The following ZNF483 variants were observed in gnomAD, a reference collection of about 807,000 sequenced individuals.
ZNF483 encodes zinc finger protein 483.
A neutral mutation model predicts 28.6 loss-of-function variants in ZNF483; 9 were observed. The ratio of observed to expected loss-of-function variants is 0.32; its 90% confidence interval spans 0.19 to 0.55. The LOEUF is 0.55. Among genes scored for constraint, ZNF483 ranks in the 20% least tolerant of loss-of-function variants. The probability of loss-of-function intolerance (pLI) is 0.93; values close to 1 mark genes in which losing one functional copy is unlikely to be tolerated. For synonymous variants in ZNF483, 322 were observed against 306.2 expected, an observed-to-expected ratio of 1.05 and a Z score of -0.54; for missense variants, 675 against 871.7, an observed-to-expected ratio of 0.77 and a Z score of 2.84.
At chr9:111,526,450 G>T (rs989807880) in intron 1 of ZNF483, among the ~76,000 whole-genome samples, 2 of 152,084 alleles carry the variant, frequency 1.3e-5, no homozygotes, top group Non-Finnish European at 2.9e-5. Flanking sequence ...TATTTTGCAT[G>T]TTAGAAGGAA....
chr9:111,551,976 GAGTT>G lies in ZNF483; in HGVS notation c.*8808_*8811del, dbSNP rs1827976265. On this transcript the variant is annotated 3_prime_UTR_variant, in exon 6 of 6. Coordinates refer to ENST00000309235, the MANE Select transcript of ZNF483 (RefSeq NM_133464.5). ...GCATATTGTCTCATTTGAAAAATGT[GAGTT>G]ATTCTGTTTTATTTGTATTATGAAA... 6.6e-6 allele frequency among the ~76,000 whole-genome samples: 1 copy of G among 151,658 alleles called. No homozygotes were observed. The highest frequency in any genetic ancestry group is 2.4e-5 in the African/African-American group (1 of 41,352).
chr9:111,567,454 GGAT>G (rs1184873804), intron 5 of ZNF483, among the ~76,000 whole-genome samples: 1 of 152,076 alleles, frequency 6.6e-6, no homozygotes, highest in African/African-American at 2.4e-5. Context: ...CAAAGTGCTG[GGAT>G]TACAAGTGTG....
rs1827779281 is a variant in ZNF483 at position 111,545,200 on chromosome 9, A to G, written c.*2030A>G. Among the ~76,000 whole-genome samples the G allele has an allele frequency of 6.6e-6, 1 of 152,224 alleles. No individual in the cohort carries two copies. Among genetic ancestry groups the G allele is most frequent in the Admixed American group, 6.5e-5 (1 of 15,286 alleles). On this transcript the variant is annotated 3_prime_UTR_variant, in exon 6 of 6. Transcript: ENST00000309235. ...GAAAGGAATGTTTATTATGAGAATC[A>G]TTCATAATGGTTTTAAGTTTTTTTC...
intron 5 of ZNF483, among the ~76,000 whole-genome samples, chr9:111,572,976 C>T (rs971883117): frequency 1.3e-5 from 2 of 152,138 alleles, no homozygotes; most frequent in Admixed American, 6.5e-5. Flanking sequence ...TGGAGGAAAT[C>T]ATTGCTTGCC....
chr9:111,576,323 C>T (rs751003056), intron 5 of ZNF483: 1 of 1,609,718 alleles, frequency 6.2e-7, no homozygotes, highest in South Asian at 1.1e-5. Flanking sequence ...TTATTTGTAA[C>T]CTCAAACCAG....
intron 5 of ZNF483, among the ~76,000 whole-genome samples, chr9:111,561,088 TATATATATATATATATATATATAGAGAG>T (rs1828285715): frequency 5.6e-5 from 1 of 17,954 alleles, no homozygotes; most frequent in Non-Finnish European, 9.9e-5. Flanking sequence ...ATCTAAAATA[TATATATATATATATATATATATAGAGAG>T]AGAGAGAGAG....
intron 5 of ZNF483, among the ~76,000 whole-genome samples, chr9:111,561,856 G>C (rs1828333391): frequency 6.6e-6 from 1 of 152,060 alleles, no homozygotes; most frequent in Non-Finnish European, 1.5e-5. Flanking sequence ...ATATATGCCA[G>C]GCATTATGCT....
chr9:111,526,006 G>T (rs1262044674), intron 1 of ZNF483, among the ~76,000 whole-genome samples: 2 of 152,050 alleles, frequency 1.3e-5, no homozygotes, highest in Non-Finnish European at 2.9e-5. Context: ...GCCTGTCCAC[G>T]CCTGGCCCCG....
In ZNF483 at chr9:111,542,378, G is replaced by A. The variant is rs771040350; in HGVS notation, c.1443G>A (p.Ser481=). Residue 481 remains serine (S), a synonymous_variant, in exon 6 of 6, where the codon TCG becomes TCA. Coordinates refer to ENST00000309235, the MANE Select transcript of ZNF483 (RefSeq NM_133464.5). This position sits in a 1 kb window ranked among gnomAD's most constrained non-coding sequence, Gnocchi z 6.2. ...GAAAAGCTTTTAGTGATAGTTCATC[G>A]CTCACACCACATCATAGAACTCATA... ...ECGKAFSDSS[S]LTPHHRTHSG... The A allele has an allele frequency of 9.3e-6, 15 of 1,613,394 alleles. No individual in the cohort carries two copies. Among genetic ancestry groups the A allele is most frequent in the South Asian group, 3.3e-5 (3 of 91,054 alleles).
chr9:111,545,467 A>G lies in ZNF483; in HGVS notation c.*2297A>G, dbSNP rs1291402320. Among the ~76,000 whole-genome samples the G allele has an allele frequency of 2.6e-5, 4 of 152,104 alleles. No homozygotes were observed. The highest frequency in any genetic ancestry group is 9.7e-5 in the African/African-American group (4 of 41,420). ...ATCATTAAAACCATTTCAAGTGTAC[A>G]ATTCAGTGAGTTTTAGTAAATATGC... On this transcript the variant is annotated 3_prime_UTR_variant, in exon 6 of 6. Transcript: ENST00000309235.
At chr9:111,530,554 T>G (rs1827299675) in intron 2 of ZNF483, among the ~76,000 whole-genome samples, 1 of 151,080 alleles carries the variant, frequency 6.6e-6, no homozygotes, top group Non-Finnish European at 1.5e-5. Flanking sequence ...CCTTAACCTT[T>G]GGGAACTGAT....
At chr9:111,558,161 T>C (rs147864898), downstream of ZNF483, among the ~76,000 whole-genome samples, 647 of 152,256 alleles carry the variant, frequency 4.2e-3, 11 homozygotes, top group African/African-American at 0.014. Flanking sequence ...AAAAAAACTA[T>C]GGAAGTACTC....
In ZNF483 at chr9:111,554,985, G is replaced by T. The variant is rs1039810650; in HGVS notation, c.*11815G>T. Reference sequence around the variant, plus strand: ...TTTGAGAAGTGTAATTTCTCCAGAGGTCTGCTCTTTAATTTCCCCAGAGAA... The same window carrying T: ...TTTGAGAAGTGTAATTTCTCCAGAGTTCTGCTCTTTAATTTCCCCAGAGAA... On this transcript the variant is annotated 3_prime_UTR_variant, in exon 6 of 6. Transcript: ENST00000309235. 2.0e-5 allele frequency among the ~76,000 whole-genome samples: 3 copies of T among 152,076 alleles called. No individual in the cohort carries two copies. Among genetic ancestry groups the T allele is most frequent in the Non-Finnish European group, 4.4e-5 (3 of 68,018 alleles).
At chr9:111,575,503 C>G in intron 5 of ZNF483, 1 of 152,090 alleles carries the variant, frequency 6.6e-6, no homozygotes, top group East Asian at 1.9e-4. Context: ...TTTTCAATTT[C>G]AAAACTTAAT....
rs540377477 is a variant in ZNF483 at position 111,563,241 on chromosome 9, A to G, written c.722-13124A>G. ...TGTACTGGATTTTACCCTGTATCAA[A>G]GCAACAACAAATTTTAAAACTTAAT... On this transcript the variant is annotated intron_variant, in intron 5 of 5. Transcript: ENST00000358151. The G allele has an allele frequency of 3.4e-5, 55 of 1,606,720 alleles. No individual in the cohort carries two copies. The South Asian group carries it at 5.7e-4, about 17-fold the overall frequency.
chr9:111,538,604 G>A (rs1564595514), intron 5 of ZNF483, among the ~76,000 whole-genome samples: 1 of 152,054 alleles, frequency 6.6e-6, no homozygotes, highest in Non-Finnish European at 1.5e-5. Flanking sequence ...TCATATTTAA[G>A]TAGCATTTTG....
Position 111,570,703 on chromosome 9 carries a change from C to T in ZNF483, c.722-5662C>T, listed in dbSNP as rs554735147. ...CTGAGGCAGGAGAATTGCTTGAACC[C>T]GACAGGTGGAGGTTGCAGTGAGCCA... On this transcript the variant is annotated intron_variant, in intron 5 of 5. Transcript: ENST00000358151. Among the ~76,000 whole-genome samples the T allele has an allele frequency of 2.3e-3, 354 of 151,998 alleles. 5 individuals are homozygous for T. The highest frequency in any genetic ancestry group is 8.2e-3 in the African/African-American group (341 of 41,440).
At chr9:111,530,802 CAT>C (rs1491539322) in intron 2 of ZNF483, 71 bp from the exon 3 acceptor site, 4 of 44,968 alleles carry the variant, frequency 8.9e-5, no homozygotes, top group Admixed American at 8.8e-4. Context: ...TATATATATA[CAT>C]ATATATATAT....
At position 111,544,634 on chromosome 9, in the gene ZNF483, A is replaced by G. The variant is rs141369747; in HGVS notation, c.*1464A>G. 6.6e-6 allele frequency among the ~76,000 whole-genome samples: 1 copy of G among 152,288 alleles called. No homozygotes were observed. The highest frequency in any genetic ancestry group is 1.9e-4 in the East Asian group (1 of 5,180). Reference sequence around the variant, plus strand: ...TTGGAGAATAGATACCCTAAAATCTAAAGAGACTGCACTGATAGCAAGTAA... The same window carrying G: ...TTGGAGAATAGATACCCTAAAATCTGAAGAGACTGCACTGATAGCAAGTAA... On this transcript the variant is annotated 3_prime_UTR_variant, in exon 6 of 6. Transcript: ENST00000309235.
Sources: gnomAD v4.1 joint callset for allele counts (sites outside exome capture counted in the v4.1 genomes callset) on GRCh38, gnomAD v4.1.1 for gene constraint, Gnocchi (gnomAD v3.1) non-coding constraint, MANE v1.5 for transcripts, NCBI Gene and HGNC (gene_info 2026-07-23, HGNC 2026-07-21) for gene names.